The following MAP4K3 variants were observed in gnomAD, a reference collection of about 807,000 sequenced individuals.
MAP4K3 encodes mitogen-activated protein kinase kinase kinase kinase 3.
Under a neutral mutation model 143.5 loss-of-function variants are expected in MAP4K3, and 94 were observed. The observed-to-expected ratio is 0.65, with a 90% CI of 0.55 to 0.78. MAP4K3 has a LOEUF of 0.78. MAP4K3 is among the 30% of genes least tolerant of loss of function. MAP4K3 has a pLI of 0.00. For missense variants in MAP4K3, 1,077 were observed against 1,068.1 expected, an observed-to-expected ratio of 1.01 and a Z score of -0.12; for synonymous variants, 416 against 347.2, an observed-to-expected ratio of 1.20 and a Z score of -2.20.
At chr2:39,278,099 T>C (rs988370647) in intron 24 of MAP4K3, among the ~76,000 whole-genome samples, 1 of 151,208 alleles carries the variant, frequency 6.6e-6, no homozygotes, top group Non-Finnish European at 1.5e-5. Context: ...CTGGCCAACA[T>C]GGTGAAACCC....
At chr2:39,398,998 C>A (rs1488540493) in intron 1 of MAP4K3, among the ~76,000 whole-genome samples, 1 of 144,350 alleles carries the variant, frequency 6.9e-6, no homozygotes, top group Middle Eastern at 3.3e-3. Flanking sequence ...GAGCTGAGAT[C>A]ATGCCATTGC....
In MAP4K3 at chr2:39,328,799, G is replaced by C. The variant is rs78052299; in HGVS notation, c.531-2522C>G. Among the ~76,000 whole-genome samples the C allele has an allele frequency of 1.7e-3, 262 of 152,230 alleles. 6 individuals carry two copies. The East Asian group carries it at 0.024, about 14-fold the overall frequency. ...TTTGCATTACTAAAATGGAACTCTA[G>C]TAAGTGATCTACTCTAAGAAAAGGC... On this transcript the variant is annotated intron_variant, in intron 8 of 33. Transcript: ENST00000263881.
intron 3 of MAP4K3, among the ~76,000 whole-genome samples, chr2:39,355,322 C>T (rs1453323172): frequency 1.4e-5 from 2 of 143,376 alleles, no homozygotes; most frequent in Admixed American, 1.4e-4. Flanking sequence ...GATCACACCA[C>T]TGCACTCCAG....
intron 4 of MAP4K3, 130 bp from the exon 5 acceptor site, chr2:39,337,711 T>C: frequency 4.9e-6 from 2 of 407,560 alleles, no homozygotes; most frequent in Middle Eastern, 8.3e-4. Flanking sequence ...AAGCTAGGAC[T>C]ACAGGCATGA....
intron 12 of MAP4K3, among the ~76,000 whole-genome samples, chr2:39,321,133 T>G (rs914961416): frequency 9.2e-5 from 14 of 152,174 alleles, no homozygotes; most frequent in African/African-American, 3.4e-4. Context: ...CTTAAACTCG[T>G]GAAACAAGCA....
chr2:39,434,221 A>C (rs963695053), intron 1 of MAP4K3, among the ~76,000 whole-genome samples: 6 of 152,258 alleles, frequency 3.9e-5, no homozygotes, highest in Non-Finnish European at 8.8e-5. Context: ...TGGCTTTTGA[A>C]AACAAAATGT....
intron 1 of MAP4K3, among the ~76,000 whole-genome samples, chr2:39,423,122 A>G (rs1664939276): frequency 6.6e-6 from 1 of 152,248 alleles, no homozygotes; most frequent in South Asian, 2.1e-4. Flanking sequence ...ATCTTAACAG[A>G]CACCTTACCA....
chr2:39,326,407 T>C, intron 8 of MAP4K3, 130 bp from the exon 9 acceptor site: 2 of 852,228 alleles, frequency 2.3e-6, no homozygotes, highest in Non-Finnish European at 3.6e-6. Flanking sequence ...GAAAAATAAA[T>C]ATGCAGTACT....
chr2:39,334,041 G>A (rs574052324), intron 6 of MAP4K3, among the ~76,000 whole-genome samples: 2 of 150,530 alleles, frequency 1.3e-5, no homozygotes, highest in South Asian at 4.3e-4. Context: ...ACCATCAATT[G>A]AACCAGGGTT....
At chr2:39,396,768 C>T (rs1666820639) in intron 1 of MAP4K3, among the ~76,000 whole-genome samples, 1 of 152,200 alleles carries the variant, frequency 6.6e-6, no homozygotes, top group African/African-American at 2.4e-5. Context: ...CCACCGCGCC[C>T]AGCCCCAAAT....
At chr2:39,419,044 TG>T in intron 1 of MAP4K3, among the ~76,000 whole-genome samples, 1 of 152,328 alleles carries the variant, frequency 6.6e-6, no homozygotes, top group Middle Eastern at 3.4e-3. Context: ...TAGGAGTCTT[TG>T]TGACTTTTTG....
intron 3 of MAP4K3, 165 bp downstream of exon 3, chr2:39,356,084 G>A (rs1436015517): frequency 1.9e-6 from 1 of 538,384 alleles, no homozygotes; most frequent in African/African-American, 2.0e-5. Context: ...ATTGGTTACA[G>A]AATTAACATA....
chr2:39,426,112 TA>T (rs763472421), intron 1 of MAP4K3, among the ~76,000 whole-genome samples: 3 of 152,120 alleles, frequency 2.0e-5, no homozygotes, highest in Non-Finnish European at 4.4e-5. Flanking sequence ...TCAACATTAA[TA>T]AGGGGACTAA....
At chr2:39,251,764 T>A in intron 33 of MAP4K3, 66 bp downstream of exon 33, 3 of 1,288,370 alleles carry the variant, frequency 2.3e-6, no homozygotes, top group South Asian at 2.5e-5. Context: ...GAAAAAGAAA[T>A]CTGTTTCATG....
chr2:39,325,481 C>G (rs1683457205), intron 12 of MAP4K3, 37 bp downstream of exon 12: 7 of 1,337,202 alleles, frequency 5.2e-6, no homozygotes, highest in South Asian at 3.6e-5. Context: ...TACACATATA[C>G]ATGTTATATA....
At chr2:39,353,168 T>G (rs746517058) in intron 3 of MAP4K3, among the ~76,000 whole-genome samples, 1 of 152,216 alleles carries the variant, frequency 6.6e-6, no homozygotes, top group South Asian at 2.1e-4. Context: ...AAGTCATTTA[T>G]ACCCCACTTC....
At chr2:39,353,363 T>C (rs1230355460) in intron 3 of MAP4K3, among the ~76,000 whole-genome samples, 2 of 152,210 alleles carry the variant, frequency 1.3e-5, no homozygotes, top group Admixed American at 1.3e-4. Flanking sequence ...TAAAATTAAT[T>C]GCTATCCTAC....
chr2:39,339,057 T>A (rs546298167), intron 4 of MAP4K3, among the ~76,000 whole-genome samples: 1 of 152,228 alleles, frequency 6.6e-6, no homozygotes, highest in Non-Finnish European at 1.5e-5. Context: ...TGGGAGAGAC[T>A]ATTCTAGAAA....
At position 39,322,005 on chromosome 2, in the gene MAP4K3, G is replaced by A. The variant is rs149499031; in HGVS notation, c.918+3513C>T. On this transcript the variant is annotated intron_variant, in intron 12 of 33. Transcript: ENST00000263881. Reference sequence around the variant, plus strand: ...TGGCGGGATCCTCCATATGTTGAACGCTGGTCCCCTGGGTCCCCTTATTTC... The same window carrying A: ...TGGCGGGATCCTCCATATGTTGAACACTGGTCCCCTGGGTCCCCTTATTTC... Among the ~76,000 whole-genome samples, 979 of 151,962 alleles carry A rather than the reference G, an allele frequency of 6.4e-3. 11 individuals are homozygous for A. Among genetic ancestry groups the A allele is most frequent in the African/African-American group, 0.023 (935 of 41,410 alleles).
Sources: gnomAD v4.1 joint callset for allele counts (sites outside exome capture counted in the v4.1 genomes callset) on GRCh38, gnomAD v4.1.1 for gene constraint, MANE v1.5 for transcripts, NCBI Gene and HGNC (gene_info 2026-07-23, HGNC 2026-07-21) for gene names.